MAP3K7CL: variants seen among roughly 807,000 people sequenced by gnomAD.
MAP3K7CL encodes MAP3K7 C-terminal-like protein.
A neutral mutation model predicts 18.6 loss-of-function variants in MAP3K7CL; 16 were observed. The ratio of observed to expected loss-of-function variants is 0.86; its 90% CI spans 0.58 to 1.31. The LOEUF (loss-of-function observed/expected upper bound fraction) is 1.31, where lower values mean the gene tolerates loss of function less well. Ranked by LOEUF, MAP3K7CL falls within the 50% of genes most tolerant of loss-of-function variation. The probability of loss-of-function intolerance (pLI) is 0.00; values close to 1 mark genes in which losing one functional copy is unlikely to be tolerated. For missense variants in MAP3K7CL, 163 were observed against 174.4 expected, an observed-to-expected ratio of 0.93 and a Z score of 0.37; for synonymous variants, 65 against 66.8, an observed-to-expected ratio of 0.97 and a Z score of 0.13.
At chr21:29,120,555 G>A (rs1453740128) in intron 4 of MAP3K7CL, among the ~76,000 whole-genome samples, 4 of 152,082 alleles carry the variant, frequency 2.6e-5, no homozygotes, top group South Asian at 2.1e-4. Flanking sequence ...CATAGTATTT[G>A]CCCCACATAA....
At chr21:29,098,399 C>T (rs1274377708) in intron 4 of MAP3K7CL, among the ~76,000 whole-genome samples, 2 of 152,110 alleles carry the variant, frequency 1.3e-5, no homozygotes, top group Non-Finnish European at 2.9e-5. Context: ...TCCTGACTCA[C>T]CCCTCTATTT....
At chr21:29,138,909 G>A (rs1209871082) in intron 2 of MAP3K7CL, among the ~76,000 whole-genome samples, 9 of 152,138 alleles carry the variant, frequency 5.9e-5, no homozygotes. Flanking sequence ...AGGCTGCAGT[G>A]AGCCATGATT....
intron 2 of MAP3K7CL, among the ~76,000 whole-genome samples, chr21:29,139,077 G>A (rs2086946195): frequency 6.6e-6 from 1 of 152,174 alleles, no homozygotes; most frequent in Non-Finnish European, 1.5e-5. Context: ...TACCATTGGT[G>A]TCACTTTTAA....
intron 4 of MAP3K7CL, among the ~76,000 whole-genome samples, chr21:29,095,320 C>T (rs944313375): frequency 2.0e-5 from 3 of 151,974 alleles, no homozygotes; most frequent in Non-Finnish European, 4.4e-5. Flanking sequence ...AGCCCTTTCC[C>T]GTTTCCCAGC....
upstream of MAP3K7CL, chr21:29,128,172 T>C (rs1219905649): frequency 6.6e-6 from 1 of 152,162 alleles, no homozygotes; most frequent in Non-Finnish European, 1.5e-5. Context: ...TTTCTTGGGG[T>C]GGAACTTGGG....
At chr21:29,150,792 C>G in intron 3 of MAP3K7CL, among the ~76,000 whole-genome samples, 1 of 120,648 alleles carries the variant, frequency 8.3e-6, no homozygotes, top group African/African-American at 3.1e-5. Context: ...TTTTTTGAGA[C>G]AGAGTCTCCC....
At chr21:29,113,929 T>C (rs2086462732) in intron 4 of MAP3K7CL, among the ~76,000 whole-genome samples, 1 of 152,038 alleles carries the variant, frequency 6.6e-6, no homozygotes, top group South Asian at 2.1e-4. Context: ...GAGGAAGGAG[T>C]GTGCTTGGTT....
chr21:29,115,230 G>A (rs1451620654), intron 4 of MAP3K7CL, among the ~76,000 whole-genome samples: 2 of 152,130 alleles, frequency 1.3e-5, no homozygotes, highest in African/African-American at 4.8e-5. Context: ...TAGCCCAAAA[G>A]GTATCCTGTT....
At chr21:29,124,191 A>G (rs1165107357) in intron 4 of MAP3K7CL, among the ~76,000 whole-genome samples, 1 of 151,610 alleles carries the variant, frequency 6.6e-6, no homozygotes, top group East Asian at 1.9e-4. Context: ...CATCTCTACT[A>G]AAAAATACAA....
At chr21:29,093,639 G>A (rs928244601) in intron 4 of MAP3K7CL, among the ~76,000 whole-genome samples, 12 of 151,722 alleles carry the variant, frequency 7.9e-5, no homozygotes, top group Admixed American at 3.3e-4. Context: ...CCGCCACCAC[G>A]CCGGGCTAAT....
At position 29,141,518 on chromosome 21, in the gene MAP3K7CL, G is replaced by GA. The variant is rs57784163; in HGVS notation, c.71-7657dup. Among the ~76,000 whole-genome samples, 490 of 102,488 alleles carry GA rather than the reference G, an allele frequency of 4.8e-3. 1 individual carries two copies. Among genetic ancestry groups the GA allele is most frequent in the African/African-American group, 0.011 (321 of 28,342 alleles). The allele number at this position is 102,488 out of a possible 152,430, so 67.2% of individuals were successfully genotyped here. ...ACACAGCGAGACTCCATCTCAAAAA[G>GA]AAAAAAAAAAAAAAGAGAGAAATTG... On this transcript the variant is annotated intron_variant, in intron 2 of 4. Transcript: ENST00000399928.
At position 29,160,077 on chromosome 21, in the gene MAP3K7CL, C is replaced by G. The variant is rs778209692; in HGVS notation, c.248+21C>G. On this transcript the variant is annotated intron_variant, in intron 4 of 4. Transcript: ENST00000399928. Reference sequence around the variant, plus strand: ...AGGAAGTAAGTACCTACCCCCCTCACTCTACATCTGAGCACTGCCTACTGG... The same window carrying G: ...AGGAAGTAAGTACCTACCCCCCTCAGTCTACATCTGAGCACTGCCTACTGG... The G allele has an allele frequency of 4.4e-6, 7 of 1,586,570 alleles. No homozygotes were observed. In the South Asian group the frequency reaches 7.7e-5, roughly 18 times the overall value.
At chr21:29,098,798 T>A (rs1245015283) in intron 4 of MAP3K7CL, among the ~76,000 whole-genome samples, 7 of 152,238 alleles carry the variant, frequency 4.6e-5, no homozygotes, top group Non-Finnish European at 1.5e-5. Context: ...GAAGGAGATT[T>A]GTTACTGGGC....
chr21:29,097,229 G>T (rs936022076), intron 4 of MAP3K7CL, among the ~76,000 whole-genome samples: 5 of 152,108 alleles, frequency 3.3e-5, no homozygotes, highest in African/African-American at 1.2e-4. Flanking sequence ...GGAATTTGGA[G>T]GGAGTATGCA....
In MAP3K7CL at chr21:29,174,590, G is replaced by A. The variant is rs1047789663; in HGVS notation, c.249-122G>A. 4.8e-6 allele frequency: 6 copies of A among 1,245,588 alleles called. No homozygotes were observed. In the African/African-American group the frequency reaches 6.0e-5, roughly 12 times the overall value. 77.2% of individuals were successfully genotyped at this position (1,245,588 alleles called of 1,614,324 possible). Reference sequence around the variant, plus strand: ...ATAAAAGTCATTGGAGGCAAGTAGAGATGGGAAAAAATTCAGAACAGCAGA... The same window carrying A: ...ATAAAAGTCATTGGAGGCAAGTAGAAATGGGAAAAAATTCAGAACAGCAGA... On this transcript the variant is annotated intron_variant, in intron 4 of 4. Coordinates refer to ENST00000399928, the MANE Select transcript of MAP3K7CL (RefSeq NM_001286620.2).
intron 2 of MAP3K7CL, among the ~76,000 whole-genome samples, chr21:29,148,928 C>G (rs777673484): frequency 2.6e-4 from 40 of 152,062 alleles, no homozygotes; most frequent in Non-Finnish European, 4.3e-4. Context: ...ACAAGCAGTC[C>G]TTCTTAATTG....
chr21:29,167,994 G>A (rs75249904), intron 4 of MAP3K7CL, among the ~76,000 whole-genome samples: 2,489 of 151,764 alleles, frequency 0.016, 65 homozygotes, highest in African/African-American at 0.057. Context: ...CACCACGCCC[G>A]GCAGAGAAGG....
At chr21:29,154,627 C>G (rs2087356562) in intron 3 of MAP3K7CL, among the ~76,000 whole-genome samples, 1 of 152,138 alleles carries the variant, frequency 6.6e-6, no homozygotes, top group African/African-American at 2.4e-5. Flanking sequence ...GATTTTGCAT[C>G]AATATATTGC....
intron 3 of MAP3K7CL, 89 bp from the exon 4 acceptor site, chr21:29,159,852 C>T: frequency 1.1e-6 from 1 of 935,950 alleles, no homozygotes; most frequent in Non-Finnish European, 1.7e-6. Context: ...AAGAAAAAAC[C>T]TTCGTTTAAA....
Sources: allele counts gnomAD v4.1 joint callset (sites outside exome capture counted in the v4.1 genomes callset), GRCh38; gene constraint gnomAD v4.1.1; transcripts MANE v1.5; gene names NCBI Gene and HGNC (gene_info 2026-07-23, HGNC 2026-07-21).